Variants in DHX30 observed in about 807,000 individuals in gnomAD.
The protein encoded by DHX30 is DExH-box helicase 30, also known as ATP-dependent RNA helicase DHX30.
A neutral mutation model predicts 116.9 loss-of-function variants in DHX30; 4 were observed. The ratio of observed to expected loss-of-function variants is 0.03; its 90% CI spans 0.02 to 0.08. The LOEUF (loss-of-function observed/expected upper bound fraction) is 0.08, where lower values mean the gene tolerates loss of function less well. DHX30 is among the 10% of genes least tolerant of loss of function. The pLI is 1.00. For synonymous variants in DHX30, 697 were observed against 651.7 expected (o/e 1.07, Z -1.06); for missense variants, 871 against 1,595.1 (o/e 0.55, Z 7.73).
chr3:47,841,273 G>T (rs577237890), intron 7 of DHX30, 95 bp downstream of exon 7: 8 of 1,500,088 alleles, frequency 5.3e-6, no homozygotes, highest in Non-Finnish European at 6.2e-6. Flanking sequence ...AGATGGGAGC[G>T]CCCCTGCCTC....
intron 8 of DHX30, 83 bp from the exon 9 acceptor site, chr3:47,843,022 TG>T: frequency 1.3e-6 from 2 of 1,533,724 alleles, no homozygotes; most frequent in Non-Finnish European, 1.8e-6. Flanking sequence ...ATTCTGTCTC[TG>T]GGCTCCTTGG....
Position 47,816,917 on chromosome 3 carries a change from TAA to T in DHX30, c.29-1095_29-1094del, listed in dbSNP as rs35281442. ...TATAGGTATAGGCACTCAATTTTAA[TAA>T]AAAAAAAAATAGCTGAAAGGGCTTT... On this transcript the variant is annotated intron_variant, in intron 3 of 21. Coordinates refer to ENST00000445061, the MANE Select transcript of DHX30 (RefSeq NM_138615.3). The T allele has an allele frequency of 8.5e-4, 778 of 913,860 alleles. No homozygotes were observed. The East Asian group carries it at 8.6e-3, about 10-fold the overall frequency. The allele number at this position is 913,860 out of a possible 1,614,324, so 56.6% of individuals were successfully genotyped here. A position where few individuals can be genotyped will look rare whatever the true frequency, so the allele number is the denominator to read the frequency against.
chr3:47,812,229 A>AAAAT (rs1045090044), intron 3 of DHX30, among the ~76,000 whole-genome samples: 48 of 151,646 alleles, frequency 3.2e-4, no homozygotes, highest in Admixed American at 6.6e-4. Flanking sequence ...TGCCATCTCA[A>AAAAT]AAATAAATAA....
At chr3:47,830,062 CTT>C (rs1490191394) in intron 6 of DHX30, among the ~76,000 whole-genome samples, 1 of 151,388 alleles carries the variant, frequency 6.6e-6, no homozygotes, top group Non-Finnish European at 1.5e-5. Flanking sequence ...AATCTCCTGA[CTT>C]TGTGATCTGC....
chr3:47,811,993 G>A (rs1323977273), intron 3 of DHX30, among the ~76,000 whole-genome samples: 1 of 151,312 alleles, frequency 6.6e-6, no homozygotes, highest in Non-Finnish European at 1.5e-5. Flanking sequence ...TAACCCGGGA[G>A]GCAGAGGTTG....
At chr3:47,840,748 G>C (rs948811193) in intron 6 of DHX30, 129 bp from the exon 7 acceptor site, 64 of 1,116,844 alleles carry the variant, frequency 5.7e-5, no homozygotes, top group Non-Finnish European at 8.2e-5. Context: ...TGGACTAGGG[G>C]CTGAAGTGGG....
rs1486547332 is a variant in DHX30, at chr3:47,847,384, G to A, written c.2005+36G>A. 6.2e-7 allele frequency: 1 copy of A among 1,614,178 alleles called. No individual in the cohort carries two copies. ...CCCCATCTGTCCCATGCTAGCCCTG[G>A]CCACGTTTGCAGCAACAGCTGGCTC... On this transcript the variant is annotated intron_variant, in intron 12 of 21. Coordinates refer to ENST00000445061, the MANE Select transcript of DHX30 (RefSeq NM_138615.3). The surrounding 1 kb of genome is among the most constrained non-coding windows in gnomAD (Gnocchi z 5.5).
chr3:47,807,458 C>A (rs1432541717), intron 2 of DHX30, among the ~76,000 whole-genome samples: 1 of 151,950 alleles, frequency 6.6e-6, no homozygotes. Flanking sequence ...AATCCCAGCA[C>A]TTTGGGAGGC....
intron 2 of DHX30, among the ~76,000 whole-genome samples, chr3:47,807,480 G>A (rs1249095971): frequency 6.6e-6 from 1 of 151,984 alleles, no homozygotes; most frequent in East Asian, 1.9e-4. Flanking sequence ...GAGGCAGGCA[G>A]ATCATGAGGC....
At chr3:47,838,866 CTTGT>C (rs757966197) in intron 6 of DHX30, among the ~76,000 whole-genome samples, 143 of 152,206 alleles carry the variant, frequency 9.4e-4, no homozygotes, top group African/African-American at 3.3e-3. Flanking sequence ...GCTTAGATTC[CTTGT>C]TTGTTTGTTT....
chr3:47,831,546 A>G (rs755442340), intron 6 of DHX30, among the ~76,000 whole-genome samples: 65 of 151,892 alleles, frequency 4.3e-4, no homozygotes, highest in Admixed American at 2.4e-3. Flanking sequence ...GTTCTTTTCT[A>G]TAGGCCTCAA....
chr3:47,819,060 T>G (rs185182099), intron 4 of DHX30, among the ~76,000 whole-genome samples: 1 of 152,220 alleles, frequency 6.6e-6, no homozygotes, highest in Admixed American at 6.5e-5. Context: ...CCCAGGCAGT[T>G]TTCACACTCC....
At position 47,847,076 on chromosome 3, in the gene DHX30, C is replaced by A; in HGVS notation, c.1929+75C>A. On this transcript the variant is annotated intron_variant, in intron 11 of 21. Coordinates refer to ENST00000445061, the MANE Select transcript of DHX30 (RefSeq NM_138615.3). This position sits in a 1 kb window ranked among gnomAD's most constrained non-coding sequence, Gnocchi z 5.5. ...ATGCCCCTCCTCCCTGGCCCTGGGG[C>A]TTGGTGCCTGGGGCAAGTTACCCTC... 1 of 1,548,914 alleles carries A rather than the reference C, an allele frequency of 6.5e-7. No individual in the cohort carries two copies.
chr3:47,831,948 T>A (rs981193480), intron 6 of DHX30, among the ~76,000 whole-genome samples: 3 of 150,434 alleles, frequency 2.0e-5, no homozygotes, highest in Non-Finnish European at 4.4e-5. Flanking sequence ...TTTTTTTTTT[T>A]ATTCCTCTCT....
Position 47,849,272 on chromosome 3 carries a change from C to G in DHX30, c.3010C>G (p.Gln1004Glu). 6.2e-7 allele frequency: 1 copy of G among 1,614,150 alleles called. No individual in the cohort carries two copies. The highest frequency in any genetic ancestry group is 8.5e-7 in the Non-Finnish European group (1 of 1,180,034). ...KPSDCTLASA[Q>E]CNEYSEEEEL... ...CTCGGACTGCACCCTGGCCTCCGCC[C>G]AGTGCAACGAGTACAGTGAGGAGGA... The change falls in exon 19 of 22, where the codon CAG (glutamine) becomes GAG (glutamate). Residue 1004 changes from glutamine (Q) to glutamate (E), a missense_variant. Gln to Glu is a conservative substitution (Grantham distance 29). Coordinates refer to ENST00000445061, the MANE Select transcript of DHX30 (RefSeq NM_138615.3).
At chr3:47,807,069 G>A (rs1339018261) in intron 2 of DHX30, among the ~76,000 whole-genome samples, 1 of 152,046 alleles carries the variant, frequency 6.6e-6, no homozygotes, top group Non-Finnish European at 1.5e-5. Flanking sequence ...AGCCAGGCGT[G>A]GTGGCGGGTG....
Position 47,847,393 on chromosome 3 carries a change from GC to G in DHX30, c.2006-38del, listed in dbSNP as rs2037663779. 3 of 1,614,176 alleles carry G rather than the reference GC, an allele frequency of 1.9e-6. No individual in the cohort carries two copies. In the East Asian group the frequency reaches 6.7e-5, roughly 36 times the overall value. On this transcript the variant is annotated intron_variant, in intron 12 of 21. Coordinates refer to ENST00000445061, the MANE Select transcript of DHX30 (RefSeq NM_138615.3). This position sits in a 1 kb window ranked among gnomAD's most constrained non-coding sequence, Gnocchi z 5.5. ...TCCCATGCTAGCCCTGGCCACGTTT[GC>G]AGCAACAGCTGGCTCATGCCCCAGG...
At chr3:47,810,604 G>A (rs2035746850) in intron 2 of DHX30, 53 bp from the exon 3 acceptor site, 5 of 1,442,996 alleles carry the variant, frequency 3.5e-6, no homozygotes, top group African/African-American at 1.4e-5. Flanking sequence ...CTTCTTTGTG[G>A]GTTGCTGGAC....
chr3:47,848,165 T>G lies in DHX30; in HGVS notation c.2287-15T>G. 6.2e-7 allele frequency: 1 copy of G among 1,613,268 alleles called. No individual in the cohort carries two copies. Among genetic ancestry groups the G allele is most frequent in the Non-Finnish European group, 8.5e-7 (1 of 1,179,732 alleles). The stretch of plus-strand genomic sequence containing the variant: ...AAGTGGCATTTGTGTGCTGCTTACT[T>G]GCCACCTCCTCCAGGTGTCCTGCCT... On this transcript the variant is annotated splice_polypyrimidine_tract_variant and intron_variant, in intron 14 of 21. Transcript: ENST00000445061. This position sits in a 1 kb window ranked among gnomAD's most constrained non-coding sequence, Gnocchi z 9.4.
Sources: allele counts gnomAD v4.1 joint callset (sites outside exome capture counted in the v4.1 genomes callset), GRCh38; gene constraint gnomAD v4.1.1; non-coding constraint Gnocchi (gnomAD v3.1); transcripts MANE v1.5; gene names NCBI Gene and HGNC (gene_info 2026-07-23, HGNC 2026-07-21).